ARHGAP25: variants seen among roughly 807,000 people sequenced by gnomAD.
ARHGAP25 encodes rho GTPase-activating protein 25.
Under a neutral mutation model 71.0 loss-of-function variants are expected in ARHGAP25, and 34 were observed. The ratio of observed to expected loss-of-function variants is 0.48; its 90% confidence interval spans 0.36 to 0.64. ARHGAP25 has a LOEUF of 0.64. ARHGAP25 is among the 30% of genes least tolerant of loss of function. The probability of loss-of-function intolerance (pLI) is 0.00; values close to 1 mark genes in which losing one functional copy is unlikely to be tolerated. For missense variants in ARHGAP25, 706 were observed against 805.1 expected (o/e 0.88, Z 1.49); for synonymous variants, 282 against 296.5 (o/e 0.95, Z 0.50).
intron 3 of ARHGAP25, among the ~76,000 whole-genome samples, chr2:68,786,722 G>T (rs1292049024): frequency 6.6e-6 from 1 of 152,102 alleles, no homozygotes; most frequent in Non-Finnish European, 1.5e-5. Flanking sequence ...ATTAAGATAG[G>T]TCCAAGAGAC....
intron 4 of ARHGAP25, among the ~76,000 whole-genome samples, chr2:68,803,164 T>C (rs1160049820): frequency 1.3e-5 from 2 of 152,144 alleles, no homozygotes; most frequent in Non-Finnish European, 1.5e-5. Context: ...CAGGAAATGA[T>C]GCACCAAACG....
At chr2:68,730,113 C>T (rs112392501), upstream of ARHGAP25, among the ~76,000 whole-genome samples, 1,212 of 151,986 alleles carry the variant, frequency 8.0e-3, 15 homozygotes, top group African/African-American at 0.026. Context: ...AGGAAGATAA[C>T]GGTTTATAAG....
intron 1 of ARHGAP25, among the ~76,000 whole-genome samples, chr2:68,736,795 T>C (rs569187982): frequency 6.6e-6 from 1 of 152,240 alleles, no homozygotes; most frequent in East Asian, 1.9e-4. Context: ...GCACCATCCT[T>C]ACAAAATCAG....
At position 68,783,926 on chromosome 2, in the gene ARHGAP25, C is replaced by T. The variant is rs79523403; in HGVS notation, c.349+1606C>T. On this transcript the variant is annotated intron_variant, in intron 3 of 10. Transcript: ENST00000409202. Reference sequence around the variant, plus strand: ...TTCTCCCAGTGCAATTCATGGGACACAACCATCCATGGTAACATGTGTGTC... The same window carrying T: ...TTCTCCCAGTGCAATTCATGGGACATAACCATCCATGGTAACATGTGTGTC... Among the ~76,000 whole-genome samples, 59 of 152,336 alleles carry T rather than the reference C, an allele frequency of 3.9e-4. No homozygotes were observed. In the East Asian group the frequency reaches 8.7e-3, roughly 22 times the overall value.
rs906165368 is a variant in ARHGAP25, at chr2:68,787,213, C to T, written c.350-627C>T. On this transcript the variant is annotated intron_variant, in intron 3 of 10. Coordinates refer to ENST00000409202, the MANE Select transcript of ARHGAP25 (RefSeq NM_001007231.3). Reference sequence around the variant, plus strand: ...GAGAACACCAACCGAGGAAACACTACACCTATCTATAATCTTAGGTTTGAA... The same window carrying T: ...GAGAACACCAACCGAGGAAACACTATACCTATCTATAATCTTAGGTTTGAA... 3.3e-5 allele frequency among the ~76,000 whole-genome samples: 5 copies of T among 152,212 alleles called. No homozygotes were observed. The East Asian group carries it at 9.6e-4, about 29-fold the overall frequency.
intron 4 of ARHGAP25, among the ~76,000 whole-genome samples, chr2:68,790,903 G>A (rs1419193534): frequency 3.9e-5 from 6 of 152,058 alleles, no homozygotes; most frequent in Non-Finnish European, 5.9e-5. Flanking sequence ...TCTGCCCACC[G>A]CCTCCCCTCC....
Position 68,825,707 on chromosome 2 carries a change from G to A in ARHGAP25, c.1734-280G>A, listed in dbSNP as rs58177109. On this transcript the variant is annotated intron_variant, in intron 10 of 10. Transcript: ENST00000409202. The stretch of plus-strand genomic sequence containing the variant: ...GGAGAATGGTGTGAACCTGGGAGGC[G>A]GAGCTTGCAGTGAGCCGAGATCGCG... Among the ~76,000 whole-genome samples, 259 of 152,164 alleles carry A rather than the reference G, an allele frequency of 1.7e-3. 1 individual carries two copies. Among genetic ancestry groups the A allele is most frequent in the African/African-American group, 6.1e-3 (253 of 41,516 alleles).
At chr2:68,810,731 C>CTTTTCTTT (rs1680738235) in intron 5 of ARHGAP25, among the ~76,000 whole-genome samples, 1 of 74,354 alleles carries the variant, frequency 1.3e-5, no homozygotes, top group African/African-American at 6.2e-5. Flanking sequence ...CTTTTCTTCT[C>CTTTTCTTT]TTTTTTTTTT....
At chr2:68,719,912 T>C (rs4854498) in intron 2 of ARHGAP25, among the ~76,000 whole-genome samples, 40,404 of 152,114 alleles carry the variant, frequency 0.27, 5,850 homozygotes, top group East Asian at 0.47. Flanking sequence ...TAATCACCTG[T>C]TTTATTCCCA....
chr2:68,757,142 T>G (rs1001096960), intron 1 of ARHGAP25, among the ~76,000 whole-genome samples: 1 of 151,754 alleles, frequency 6.6e-6, no homozygotes, highest in Non-Finnish European at 1.5e-5. Flanking sequence ...GAAAAAAATA[T>G]AAGAAAAGTG....
At chr2:68,823,018 T>A in intron 10 of ARHGAP25, 146 bp downstream of exon 10, 1 of 824,022 alleles carries the variant, frequency 1.2e-6, no homozygotes, top group Non-Finnish European at 1.8e-6. Context: ...AAGAAAAGAG[T>A]AAAGGGAACA....
upstream of ARHGAP25, among the ~76,000 whole-genome samples, chr2:68,731,507 C>G (rs1018884964): frequency 1.1e-4 from 17 of 152,024 alleles, no homozygotes; most frequent in Non-Finnish European, 2.2e-4. Flanking sequence ...CTAGTGACCT[C>G]CGTTTTCCCC....
At chr2:68,807,040 A>G (rs563140845) in intron 4 of ARHGAP25, among the ~76,000 whole-genome samples, 1 of 152,340 alleles carries the variant, frequency 6.6e-6, no homozygotes, top group South Asian at 2.1e-4. Context: ...GCCAACCATT[A>G]TTTTAAATAT....
At chr2:68,759,014 A>G (rs1283375055) in intron 1 of ARHGAP25, among the ~76,000 whole-genome samples, 1 of 151,966 alleles carries the variant, frequency 6.6e-6, no homozygotes, top group Non-Finnish European at 1.5e-5. Flanking sequence ...ACAATAGATC[A>G]AGGAAGAAGT....
chr2:68,807,138 G>T, intron 4 of ARHGAP25, 135 bp from the exon 5 acceptor site: 2 of 781,548 alleles, frequency 2.6e-6, no homozygotes, highest in Non-Finnish European at 4.3e-6. Context: ...AATATTCTGA[G>T]TGATTTATCT....
chr2:68,720,316 C>CAAAAAAAA (rs11314943), intron 2 of ARHGAP25, among the ~76,000 whole-genome samples: 1 of 75,686 alleles, frequency 1.3e-5, no homozygotes, highest in African/African-American at 5.9e-5. Context: ...ACATTTCAGT[C>CAAAAAAAA]AAAAAAAAAA....
chr2:68,761,570 G>T (rs1676824246), intron 1 of ARHGAP25, among the ~76,000 whole-genome samples: 2 of 152,042 alleles, frequency 1.3e-5, no homozygotes, highest in Non-Finnish European at 2.9e-5. Flanking sequence ...TCAAAAATGG[G>T]CAAAGGACTC....
Position 68,822,455 on chromosome 2 carries a change from A to G in ARHGAP25, c.1316A>G (p.Lys439Arg). The change falls in exon 10 of 11, where the codon AAA becomes AGA. Residue 439 changes from lysine (K) to arginine (R), a missense_variant. Coordinates refer to ENST00000409202, the MANE Select transcript of ARHGAP25 (RefSeq NM_001007231.3). ...GGAGACTGGAAAATGCAATCTCGTA[A>G]AAGGACTCAAACACTCCCTAACCGG... ...KPGDWKMQSR[K>R]RTQTLPNRKC... 2 of 1,614,188 alleles carry G rather than the reference A, an allele frequency of 1.2e-6. No individual in the cohort carries two copies. Among genetic ancestry groups the G allele is most frequent in the Non-Finnish European group, 1.7e-6 (2 of 1,180,030 alleles).
In ARHGAP25 at chr2:68,774,592, G is replaced by A. The variant is rs752449589; in HGVS notation, c.62-629G>A. ...CGTGGGCAGGGGACAGAATGGCACTGGGCAGGAGAATTCAGAAGGTGCCAA... is the reference window on the plus strand; with the variant it reads ...CGTGGGCAGGGGACAGAATGGCACTAGGCAGGAGAATTCAGAAGGTGCCAA... On this transcript the variant is annotated intron_variant, in intron 1 of 10. Coordinates refer to ENST00000409202, the MANE Select transcript of ARHGAP25 (RefSeq NM_001007231.3). 1.2e-3 allele frequency among the ~76,000 whole-genome samples: 189 copies of A among 152,214 alleles called. 3 individuals are homozygous for A. The highest frequency in any genetic ancestry group is 4.0e-4 in the Non-Finnish European group (27 of 68,046).
Sources: gnomAD v4.1 joint callset for allele counts (sites outside exome capture counted in the v4.1 genomes callset) on GRCh38, gnomAD v4.1.1 for gene constraint, MANE v1.5 for transcripts, NCBI Gene and HGNC (gene_info 2026-07-23, HGNC 2026-07-21) for gene names.